The following KCNH7 variants were observed in gnomAD, a reference collection of about 807,000 sequenced individuals.
KCNH7 encodes the protein voltage-gated inwardly rectifying potassium channel KCNH7.
A neutral mutation model predicts 120.8 loss-of-function variants in KCNH7; 49 were observed. The observed-to-expected ratio is 0.41, with a 90% CI of 0.32 to 0.51. KCNH7 has a LOEUF of 0.51. KCNH7 is among the 20% of genes least tolerant of loss of function. KCNH7 has a pLI of 0.38. For missense variants in KCNH7, 1,097 were observed against 1,446.6 expected (o/e 0.76, Z 3.92); for synonymous variants, 547 against 516.1 (o/e 1.06, Z -0.81).
At chr2:162,394,328 T>TA in intron 12 of KCNH7, 61 bp downstream of exon 12, 2 of 962,250 alleles carry the variant, frequency 2.1e-6, no homozygotes, top group Non-Finnish European at 3.4e-6. Context: ...AATGAACATT[T>TA]AAGTAAGAAG....
intron 9 of KCNH7, 133 bp from the exon 10 acceptor site, chr2:162,400,574 C>A (rs1305089914): frequency 3.7e-6 from 3 of 820,544 alleles, no homozygotes; most frequent in Admixed American, 2.4e-5. Flanking sequence ...TCTTCTACCT[C>A]GCCTACCTTA....
chr2:162,538,778 A>G (rs1394412840), intron 2 of KCNH7, among the ~76,000 whole-genome samples: 2 of 152,192 alleles, frequency 1.3e-5, no homozygotes, highest in East Asian at 3.9e-4. Context: ...AATTATTTAT[A>G]AAATTGTTTC....
At chr2:162,676,499 A>T (rs562484222) in intron 2 of KCNH7, among the ~76,000 whole-genome samples, 4 of 151,534 alleles carry the variant, frequency 2.6e-5, no homozygotes, top group African/African-American at 9.6e-5. Context: ...CAATTCCTCT[A>T]CTTCCATTGA....
At chr2:162,817,806 C>T (rs901399243) in intron 2 of KCNH7, among the ~76,000 whole-genome samples, 2 of 152,046 alleles carry the variant, frequency 1.3e-5, no homozygotes, top group African/African-American at 2.4e-5. Context: ...GTTTCATATG[C>T]TTATTGCCCA....
chr2:162,410,066 A>G (rs1461573891), intron 9 of KCNH7, among the ~76,000 whole-genome samples: 1 of 152,080 alleles, frequency 6.6e-6, no homozygotes, highest in Admixed American at 6.6e-5. Context: ...TTTTCACAGA[A>G]TTAGAAAAAA....
Position 162,446,452 on chromosome 2 carries a change from G to A in KCNH7, c.1129-9C>T, listed in dbSNP as rs768444731. The A allele has an allele frequency of 2.5e-6, 4 of 1,588,226 alleles. No homozygotes were observed. The highest frequency in any genetic ancestry group is 1.1e-5 in the South Asian group (1 of 87,346). ...GCTCCTAAAGAGAGAACCTGAATGTGCAAAAGAAAATCATACACTACATAA... is the reference window on the plus strand; with the variant it reads ...GCTCCTAAAGAGAGAACCTGAATGTACAAAAGAAAATCATACACTACATAA... On this transcript the variant is annotated splice_polypyrimidine_tract_variant and intron_variant, in intron 6 of 15. Transcript: ENST00000332142.
At chr2:162,499,829 A>G (rs1400029880) in intron 6 of KCNH7, among the ~76,000 whole-genome samples, 1 of 152,032 alleles carries the variant, frequency 6.6e-6, no homozygotes, top group Non-Finnish European at 1.5e-5. Context: ...AGATTCCCAC[A>G]TGTGTTTCAC....
chr2:162,477,181 T>C (rs1689774617), intron 6 of KCNH7, among the ~76,000 whole-genome samples: 1 of 152,242 alleles, frequency 6.6e-6, no homozygotes, highest in South Asian at 2.1e-4. Context: ...CTTGAAAGCT[T>C]AGAGCCTTAT....
chr2:162,471,629 G>C (rs1040143096), intron 6 of KCNH7, among the ~76,000 whole-genome samples: 2 of 152,174 alleles, frequency 1.3e-5, no homozygotes, highest in African/African-American at 4.8e-5. Flanking sequence ...CTCATGGATA[G>C]GAAGAATAAT....
At chr2:162,448,003 G>T (rs1234852080) in intron 6 of KCNH7, among the ~76,000 whole-genome samples, 1 of 152,052 alleles carries the variant, frequency 6.6e-6, no homozygotes, top group Non-Finnish European at 1.5e-5. Context: ...CTGTAAATTT[G>T]AACCAGCCAG....
At chr2:162,390,522 C>T (rs768667797) in intron 12 of KCNH7, among the ~76,000 whole-genome samples, 4 of 151,728 alleles carry the variant, frequency 2.6e-5, no homozygotes, top group Non-Finnish European at 5.9e-5. Context: ...TCTCTTCTGC[C>T]CAGCCATCTT....
chr2:162,413,328 C>T (rs1295035781), intron 9 of KCNH7, among the ~76,000 whole-genome samples: 11 of 151,938 alleles, frequency 7.2e-5, no homozygotes, highest in Admixed American at 2.6e-4. Context: ...GGTTTCACCA[C>T]GTTGGCCAGG....
chr2:162,499,020 A>G (rs2105739219), intron 6 of KCNH7, among the ~76,000 whole-genome samples: 1 of 152,184 alleles, frequency 6.6e-6, no homozygotes, highest in East Asian at 1.9e-4. Flanking sequence ...TGACTGATAC[A>G]ATGGCCAATA....
intron 6 of KCNH7, among the ~76,000 whole-genome samples, chr2:162,480,472 TC>T (rs1482010459): frequency 6.6e-6 from 1 of 152,172 alleles, no homozygotes; most frequent in Non-Finnish European, 1.5e-5. Context: ...CTTTCCTTTC[TC>T]CTGCCATCCC....
At chr2:162,597,537 G>T (rs1221962227) in intron 2 of KCNH7, among the ~76,000 whole-genome samples, 3 of 152,048 alleles carry the variant, frequency 2.0e-5, no homozygotes, top group African/African-American at 7.2e-5. Flanking sequence ...GGCTGGGGAG[G>T]TATGAAGGTG....
At chr2:162,774,622 G>A (rs56413500) in intron 2 of KCNH7, among the ~76,000 whole-genome samples, 9,943 of 152,252 alleles carry the variant, frequency 0.065, 483 homozygotes, top group Middle Eastern at 0.15. Context: ...TGTGTGGTAA[G>A]AAGTCATCAG....
intron 2 of KCNH7, among the ~76,000 whole-genome samples, chr2:162,747,664 A>G (rs1399463717): frequency 1.3e-5 from 2 of 152,140 alleles, no homozygotes. Flanking sequence ...GATAAATTGA[A>G]TTTAAAGGCT....
At chr2:162,646,949 T>C (rs1172162290) in intron 2 of KCNH7, among the ~76,000 whole-genome samples, 1 of 152,152 alleles carries the variant, frequency 6.6e-6, no homozygotes, top group Non-Finnish European at 1.5e-5. Flanking sequence ...TGAGATAATA[T>C]ATGTGTATTG....
intron 2 of KCNH7, among the ~76,000 whole-genome samples, chr2:162,758,738 T>A (rs1688872361): frequency 6.6e-6 from 1 of 152,148 alleles, no homozygotes; most frequent in South Asian, 2.1e-4. Flanking sequence ...AATTGAATTC[T>A]CTTATAGGTT....
Sources: allele counts gnomAD v4.1 joint callset (sites outside exome capture counted in the v4.1 genomes callset), GRCh38; gene constraint gnomAD v4.1.1; transcripts MANE v1.5; gene names NCBI Gene and HGNC (gene_info 2026-07-23, HGNC 2026-07-21).